The following ARHGAP29 variants were observed in gnomAD, a reference collection of about 807,000 sequenced individuals.
ARHGAP29 encodes rho GTPase-activating protein 29.
A neutral mutation model predicts 122.6 loss-of-function variants in ARHGAP29; 43 were observed. That is an observed-to-expected ratio of 0.35 (90% confidence interval 0.27 to 0.45). The LOEUF is 0.45. Ranked by LOEUF, ARHGAP29 falls within the 20% of genes least tolerant of loss-of-function variation. The probability of loss-of-function intolerance (pLI) is 1.00; values close to 1 mark genes in which losing one functional copy is unlikely to be tolerated. For missense variants in ARHGAP29, 1,303 were observed against 1,477.2 expected (o/e 0.88, Z 1.93); for synonymous variants, 506 against 497.1 (o/e 1.02, Z -0.24).
At chr1:94,305,999 A>C in the ARHGAP29 span, among the ~76,000 whole-genome samples, 2 of 152,242 alleles carry the variant, frequency 1.3e-5, no homozygotes, top group East Asian at 3.8e-4. Flanking sequence ...TTAGAATTGC[A>C]TGAGACCAGC....
At chr1:94,220,671 C>T (rs1294957655) in intron 2 of ARHGAP29, among the ~76,000 whole-genome samples, 1 of 152,114 alleles carries the variant, frequency 6.6e-6, no homozygotes, top group Non-Finnish European at 1.5e-5. Flanking sequence ...ATATGTGCTC[C>T]AGACTTCCCT....
intron 1 of ARHGAP29, among the ~76,000 whole-genome samples, chr1:94,268,906 A>G (rs1447281823): frequency 6.6e-6 from 1 of 152,090 alleles, no homozygotes; most frequent in Non-Finnish European, 1.5e-5. Flanking sequence ...AGTAGTGACT[A>G]TTTTTGTATG....
intron 19 of ARHGAP29, among the ~76,000 whole-genome samples, chr1:94,181,353 C>T (rs773939947): frequency 1.2e-4 from 18 of 152,144 alleles, no homozygotes; most frequent in Admixed American, 3.3e-4. Flanking sequence ...GTTTCTTCTC[C>T]GGGCAGTATA....
intron 12 of ARHGAP29, chr1:94,191,354 T>C (rs1650122909): frequency 6.6e-6 from 1 of 152,214 alleles, no homozygotes; most frequent in African/African-American, 2.4e-5. Flanking sequence ...ACTGCCATGT[T>C]TCCTCTTCAT....
intron 3 of ARHGAP29, among the ~76,000 whole-genome samples, chr1:94,214,446 G>A (rs111354819): frequency 3.3e-5 from 5 of 152,022 alleles, no homozygotes; most frequent in African/African-American, 9.7e-5. Flanking sequence ...CTCCAGATTC[G>A]CATTTCTAAT....
At chr1:94,293,136 G>A in the ARHGAP29 span, among the ~76,000 whole-genome samples, 2,363 of 152,306 alleles carry the variant, frequency 0.016, 69 homozygotes, top group African/African-American at 0.054. Flanking sequence ...CTTCCCTGCC[G>A]CTTTGTTTAC....
the ARHGAP29 span, among the ~76,000 whole-genome samples, chr1:94,287,847 G>A: frequency 1.1e-3 from 162 of 152,076 alleles, no homozygotes; most frequent in African/African-American, 3.6e-3. Flanking sequence ...TTTTTTTATG[G>A]CTGCATAGTA....
the ARHGAP29 span, among the ~76,000 whole-genome samples, chr1:94,295,793 C>CCACACAATGTGGAATCTTCTAATTCCA: frequency 6.6e-6 from 1 of 151,898 alleles, no homozygotes; most frequent in Admixed American, 6.6e-5. Flanking sequence ...TCTTCTAATT[C>CCACACAATGTGGAATCTTCTAATTCCA]CACATTGGGG....
intron 5 of ARHGAP29, among the ~76,000 whole-genome samples, 165 bp downstream of exon 5, chr1:94,208,667 C>T (rs1651374115): frequency 6.6e-6 from 1 of 152,030 alleles, no homozygotes; most frequent in Admixed American, 6.6e-5. Flanking sequence ...ACCATGTTGG[C>T]CAGGCTGGTC....
chr1:94,211,319 T>C (rs12724975), intron 3 of ARHGAP29, among the ~76,000 whole-genome samples: 62,451 of 107,696 alleles, frequency 0.58, 18,678 homozygotes, highest in Middle Eastern at 0.74. Flanking sequence ...AAAAAGGACA[T>C]AACAATTCCA....
intron 2 of ARHGAP29, among the ~76,000 whole-genome samples, chr1:94,224,643 T>C (rs1176433995): frequency 6.6e-6 from 1 of 152,000 alleles, no homozygotes; most frequent in Non-Finnish European, 1.5e-5. Flanking sequence ...TCCTCAGTAA[T>C]TTTTTTTAAC....
chr1:94,227,129 T>TGGTATTGAAC (rs1557875580), intron 2 of ARHGAP29, among the ~76,000 whole-genome samples: 12 of 43,210 alleles, frequency 2.8e-4, no homozygotes, highest in Non-Finnish European at 7.7e-4. Flanking sequence ...AAACTTTTCA[T>TGGTATTGAAC]TTAATGAAAA....
At chr1:94,212,210 A>C (rs1156288208) in intron 3 of ARHGAP29, among the ~76,000 whole-genome samples, 2 of 152,082 alleles carry the variant, frequency 1.3e-5, no homozygotes, top group African/African-American at 4.8e-5. Context: ...GTGGGCTGAG[A>C]TCTCACCACT....
chr1:94,283,549 A>G, the ARHGAP29 span, among the ~76,000 whole-genome samples: 1 of 152,246 alleles, frequency 6.6e-6, no homozygotes, highest in Admixed American at 6.5e-5. Flanking sequence ...CGATTACCTC[A>G]TGGAAAGAAT....
chr1:94,312,611 T>C, the ARHGAP29 span, among the ~76,000 whole-genome samples: 1 of 152,032 alleles, frequency 6.6e-6, no homozygotes, highest in Non-Finnish European at 1.5e-5. Flanking sequence ...TTTGTATTTT[T>C]AGTACAGACA....
chr1:94,255,067 C>G (rs1220018674), intron 1 of ARHGAP29, among the ~76,000 whole-genome samples: 1 of 152,104 alleles, frequency 6.6e-6, no homozygotes, highest in Non-Finnish European at 1.5e-5. Context: ...GTTTGCCACC[C>G]CCACGCCACC....
intron 1 of ARHGAP29, among the ~76,000 whole-genome samples, chr1:94,266,452 G>A (rs1228492002): frequency 6.6e-6 from 1 of 152,074 alleles, no homozygotes; most frequent in Non-Finnish European, 1.5e-5. Context: ...TTCCTGATAG[G>A]GACTAATTTT....
chr1:94,250,020 A>G lies in ARHGAP29; in HGVS notation c.-32-18377T>C, dbSNP rs1378485627. Among the ~76,000 whole-genome samples, 3 of 151,980 alleles carry G rather than the reference A, an allele frequency of 2.0e-5. No homozygotes were observed. The South Asian group carries it at 6.2e-4, about 32-fold the overall frequency. On this transcript the variant is annotated intron_variant and NMD_transcript_variant, in intron 1 of 25. Coordinates refer to the ARHGAP29 transcript ENST00000552844. The stretch of plus-strand genomic sequence containing the variant: ...CAGTGTGATTTTTTTTTTAAATCAC[A>G]AACTGCACTCAACTTGGTTGTATCT...
intron 1 of ARHGAP29, among the ~76,000 whole-genome samples, chr1:94,272,605 A>G (rs953881613): frequency 1.3e-5 from 2 of 152,202 alleles, no homozygotes; most frequent in African/African-American, 4.8e-5. Flanking sequence ...TATGCCTAAC[A>G]TGACACTCCT....
Sources: allele counts gnomAD v4.1 joint callset (sites outside exome capture counted in the v4.1 genomes callset), GRCh38; gene constraint gnomAD v4.1.1; transcripts MANE v1.5; gene names NCBI Gene and HGNC (gene_info 2026-07-23, HGNC 2026-07-21).